Variants in DLG5 observed in about 807,000 individuals in gnomAD.
The protein encoded by DLG5 is disks large homolog 5.
Under a neutral mutation model 189.8 loss-of-function variants are expected in DLG5, and 48 were observed. That is an observed-to-expected ratio of 0.25 (90% confidence interval 0.20 to 0.32). The LOEUF (loss-of-function observed/expected upper bound fraction) is 0.32. Among genes scored for constraint, DLG5 ranks in the 10% least tolerant of loss-of-function variants. The pLI, the probability that DLG5 is intolerant of heterozygous loss-of-function variation, is 1.00. For missense variants in DLG5, 2,160 were observed against 2,544.7 expected (o/e 0.85, Z 3.25); for synonymous variants, 1,016 against 1,054.1 (o/e 0.96, Z 0.70).
At chr10:77,876,849 T>C (rs1024397282) in intron 1 of DLG5, among the ~76,000 whole-genome samples, 1 of 149,896 alleles carries the variant, frequency 6.7e-6, no homozygotes, top group Non-Finnish European at 1.5e-5. Context: ...AGGAAGATGA[T>C]GGCTGCCGAG....
chr10:77,844,906 C>G (rs1471578324), intron 5 of DLG5, among the ~76,000 whole-genome samples: 1 of 151,902 alleles, frequency 6.6e-6, no homozygotes, highest in Non-Finnish European at 1.5e-5. Context: ...GCAGGGCCTG[C>G]AGGCGTGTTC....
chr10:77,892,592 C>T (rs1376628113), intron 1 of DLG5, among the ~76,000 whole-genome samples: 5 of 152,142 alleles, frequency 3.3e-5, no homozygotes, highest in African/African-American at 1.2e-4. Flanking sequence ...CAGCCTGCTC[C>T]CCTTGGACAC....
At chr10:77,882,262 T>C (rs530138228) in intron 1 of DLG5, among the ~76,000 whole-genome samples, 28 of 152,326 alleles carry the variant, frequency 1.8e-4, no homozygotes, top group African/African-American at 6.5e-4. Context: ...TTTGGCCACC[T>C]CCTAATCAGT....
intron 12 of DLG5, 68 bp downstream of exon 12, chr10:77,829,287 C>T: frequency 6.3e-7 from 1 of 1,598,864 alleles, no homozygotes; most frequent in Admixed American, 1.7e-5. Flanking sequence ...AGGGGCACCC[C>T]CGGCCCCTGT....
At chr10:77,831,171 G>A (rs542977795) in intron 9 of DLG5, among the ~76,000 whole-genome samples, 1 of 152,274 alleles carries the variant, frequency 6.6e-6, no homozygotes, top group African/African-American at 2.4e-5. Context: ...TTGGGAGGCC[G>A]AGACAGGCAG....
At chr10:77,834,720 A>G (rs1394053952) in intron 8 of DLG5, among the ~76,000 whole-genome samples, 1 of 152,046 alleles carries the variant, frequency 6.6e-6, no homozygotes, top group Non-Finnish European at 1.5e-5. Context: ...CACAGCCTCG[A>G]ATCTCCCCCA....
intron 1 of DLG5, among the ~76,000 whole-genome samples, chr10:77,885,603 G>A (rs1845413191): frequency 6.6e-6 from 1 of 152,202 alleles, no homozygotes; most frequent in Non-Finnish European, 1.5e-5. Flanking sequence ...GCCATTTGCA[G>A]GGAGCTCTGC....
At chr10:77,827,295 G>C (rs970900143) in intron 13 of DLG5, among the ~76,000 whole-genome samples, 1 of 152,022 alleles carries the variant, frequency 6.6e-6, no homozygotes, top group African/African-American at 2.4e-5. Context: ...GCGCGATCTC[G>C]GCTCACTGCA....
rs562122051 is a variant in DLG5 at position 77,796,340 on chromosome 10, G to T, written c.5308+111C>A. 32 of 1,587,370 alleles carry T rather than the reference G, an allele frequency of 2.0e-5. No individual in the cohort carries two copies. The South Asian group carries it at 3.4e-4, about 17-fold the overall frequency. ...TGTCAGCAGGCTTCTGGAACACTGT[G>T]AAATCTGCCCCCCGGTACTGCCACC... On this transcript the variant is annotated intron_variant, in intron 28 of 31. Coordinates refer to ENST00000372391, the MANE Select transcript of DLG5 (RefSeq NM_004747.4). This position sits in a 1 kb window ranked among gnomAD's most constrained non-coding sequence, Gnocchi z 5.2.
intron 29 of DLG5, 128 bp downstream of exon 29, chr10:77,795,933 T>C: frequency 7.2e-7 from 1 of 1,394,038 alleles, no homozygotes; most frequent in Non-Finnish European, 1.0e-6. Flanking sequence ...GAACTCAGAC[T>C]AACACAACAC....
At chr10:77,887,676 T>C (rs1205902788) in intron 1 of DLG5, among the ~76,000 whole-genome samples, 1 of 152,164 alleles carries the variant, frequency 6.6e-6, no homozygotes, top group Non-Finnish European at 1.5e-5. Context: ...CCCTTGCCAA[T>C]GTCCCATCAG....
intron 5 of DLG5, among the ~76,000 whole-genome samples, chr10:77,850,956 CA>C (rs1843940734): frequency 6.6e-6 from 1 of 152,208 alleles, no homozygotes; most frequent in African/African-American, 2.4e-5. Context: ...AACCCCAAGG[CA>C]AAAGGTTACC....
chr10:77,864,499 C>A (rs893488846), intron 2 of DLG5, among the ~76,000 whole-genome samples: 9 of 152,208 alleles, frequency 5.9e-5, no homozygotes, highest in Admixed American at 5.2e-4. Flanking sequence ...AAGACCCAGG[C>A]CCTGCCTGGG....
chr10:77,795,370 C>T (rs1840857702), intron 29 of DLG5, among the ~76,000 whole-genome samples: 1 of 152,170 alleles, frequency 6.6e-6, no homozygotes, highest in South Asian at 2.1e-4. Context: ...TCGTCCCAGG[C>T]ATCCAGGTGG....
chr10:77,868,678 T>C, intron 2 of DLG5: 1 of 225,324 alleles, frequency 4.4e-6, no homozygotes, highest in Non-Finnish European at 8.8e-6. Context: ...GCCTTCCTGC[T>C]GGACTTCAGA....
In DLG5 at chr10:77,821,199, A is replaced by G; in HGVS notation, c.3285T>C (p.Asp1095=). The G allele has an allele frequency of 6.2e-7, 1 of 1,614,134 alleles. No individual in the cohort carries two copies. Among genetic ancestry groups the G allele is most frequent in the Non-Finnish European group, 8.5e-7 (1 of 1,180,018 alleles). ...CCACCTTCTGGGAGGTGAGGTCCTC[A>G]TCACAGGATTTCTTGGCCGGCAGGT... The part of the protein sequence containing the change: ...SSHLPAKKSC[D]EDLTSQKVDE... The change falls in exon 15 of 32, where the codon GAT becomes GAC. Residue 1095 remains aspartate, a synonymous_variant. Transcript: ENST00000372391.
chr10:77,812,246 G>A lies in DLG5; in HGVS notation c.4157C>T (p.Ala1386Val). 1 of 1,614,024 alleles carries A rather than the reference G, an allele frequency of 6.2e-7. No homozygotes were observed. Residue 1386 changes from alanine (A) to valine (V), a missense_variant, in exon 21 of 32, where the codon GCT becomes GTT. By Grantham distance (64) the Ala-to-Val change is moderately conservative. Around this residue, in one of 5 missense-constraint regions of DLG5, gnomAD observed 61 missense variants for 101.0 expected, o/e 0.60. Coordinates refer to ENST00000372391, the MANE Select transcript of DLG5 (RefSeq NM_004747.4). Reference sequence around the variant, plus strand: ...TAACTGATCCCCATACTCGAGGCCAGCCTGGTGAGCGATGCTCCCCACGGT... The same window carrying A: ...TAACTGATCCCCATACTCGAGGCCAACCTGGTGAGCGATGCTCCCCACGGT... ...KVTVGSIAHQ[A>V]GLEYGDQLLE...
At chr10:77,940,511 C>T in the DLG5 span, among the ~76,000 whole-genome samples, 2 of 152,108 alleles carry the variant, frequency 1.3e-5, no homozygotes, top group Middle Eastern at 3.2e-3. Flanking sequence ...GGGGAGTCCC[C>T]GATACATCCC....
chr10:77,827,109 G>A (rs1356457577), intron 13 of DLG5, among the ~76,000 whole-genome samples: 1 of 152,200 alleles, frequency 6.6e-6, no homozygotes, highest in Non-Finnish European at 1.5e-5. Context: ...TTGCCATCGG[G>A]GTGGGAAGCA....
Sources: allele counts gnomAD v4.1 joint callset (sites outside exome capture counted in the v4.1 genomes callset), GRCh38; gene constraint gnomAD v4.1.1; regional missense constraint gnomAD v4.1.1; non-coding constraint Gnocchi (gnomAD v3.1); transcripts MANE v1.5; gene names NCBI Gene and HGNC (gene_info 2026-07-23, HGNC 2026-07-21).